The following PAG1 variants were observed in gnomAD, a reference collection of about 807,000 sequenced individuals.
PAG1 encodes the protein phosphoprotein associated with glycosphingolipid-enriched microdomains 1.
In PAG1, 23 loss-of-function variants were observed where a neutral mutation model predicts 31.7. The observed-to-expected ratio is 0.73, with a 90% CI of 0.52 to 1.03. The LOEUF is 1.03. Among genes scored for constraint, PAG1 ranks in the 50% least tolerant of loss-of-function variants. The pLI is 0.00. For synonymous variants in PAG1, 214 were observed against 210.3 expected, an observed-to-expected ratio of 1.02 and a Z score of -0.15; for missense variants, 473 against 540.7, an observed-to-expected ratio of 0.87 and a Z score of 1.24.
intron 1 of PAG1, among the ~76,000 whole-genome samples, chr8:81,080,768 C>A (rs761591719): frequency 3.9e-5 from 6 of 152,084 alleles, no homozygotes; most frequent in Non-Finnish European, 7.4e-5. Flanking sequence ...ACTAAGTGAG[C>A]AAACAAAATA....
At chr8:81,045,066 C>T (rs575442862) in intron 2 of PAG1, among the ~76,000 whole-genome samples, 2 of 152,326 alleles carry the variant, frequency 1.3e-5, no homozygotes, top group African/African-American at 4.8e-5. Context: ...TTCAACATCT[C>T]CTAGCAAAGT....
intron 3 of PAG1, among the ~76,000 whole-genome samples, chr8:81,020,830 A>G (rs1258338209): frequency 6.6e-6 from 1 of 152,168 alleles, no homozygotes; most frequent in Non-Finnish European, 1.5e-5. Context: ...TAATGCCAAA[A>G]TTTCATCCTT....
intron 2 of PAG1, among the ~76,000 whole-genome samples, chr8:81,045,837 T>TA (rs1808632650): frequency 6.6e-6 from 1 of 152,092 alleles, no homozygotes; most frequent in African/African-American, 2.4e-5. Flanking sequence ...TCTGCATTAA[T>TA]AAAAAAGAAA....
At chr8:81,005,081 T>G (rs1445996551) in intron 3 of PAG1, among the ~76,000 whole-genome samples, 1 of 151,966 alleles carries the variant, frequency 6.6e-6, no homozygotes, top group Non-Finnish European at 1.5e-5. Flanking sequence ...ACACAGAACA[T>G]AAATGACTGG....
intron 3 of PAG1, among the ~76,000 whole-genome samples, chr8:81,023,994 G>A (rs1808231992): frequency 6.6e-6 from 1 of 152,102 alleles, no homozygotes; most frequent in South Asian, 2.1e-4. Context: ...AACAGTAAAT[G>A]ACTAATTATA....
At chr8:81,002,481 G>C (rs1456678419) in intron 3 of PAG1, among the ~76,000 whole-genome samples, 1 of 152,194 alleles carries the variant, frequency 6.6e-6, no homozygotes, top group East Asian at 1.9e-4. Flanking sequence ...GACTGGAGAA[G>C]TAGAATTTAA....
chr8:81,007,636 C>CAAAAAA (rs58612249), intron 3 of PAG1, among the ~76,000 whole-genome samples: 9 of 49,698 alleles, frequency 1.8e-4, no homozygotes, highest in African/African-American at 3.4e-4. Context: ...GACTCTGTCT[C>CAAAAAA]AAAAAAAAAA....
chr8:81,007,738 T>G (rs1807912159), intron 3 of PAG1, among the ~76,000 whole-genome samples: 1 of 151,454 alleles, frequency 6.6e-6, no homozygotes. Context: ...TCTCTGCCAC[T>G]GAGGCTTTGA....
rs890733050 is a variant in PAG1 at position 81,070,166 on chromosome 8, G to GT, written c.-230dup. 2 of 152,136 alleles carry GT rather than the reference G, an allele frequency of 1.3e-5. No homozygotes were observed. The highest frequency in any genetic ancestry group is 4.8e-5 in the African/African-American group (2 of 41,420). The allele number at this position is 152,136 out of a possible 1,614,324, so 9.4% of individuals were successfully genotyped here. A position where few individuals can be genotyped will look rare whatever the true frequency, so the allele number is the denominator to read the frequency against. ...TGCTGAAATAGGAGAAAAATCTCGT[G>GT]TTTTCTGGAAAAGAAACACAAGAGA... On this transcript the variant is annotated 5_prime_UTR_variant, in exon 2 of 9. Transcript: ENST00000220597.
chr8:81,014,733 A>C (rs576113673), intron 3 of PAG1, among the ~76,000 whole-genome samples: 1 of 152,296 alleles, frequency 6.6e-6, no homozygotes, highest in East Asian at 1.9e-4. Context: ...TCAGAGAGGA[A>C]GAAAGTGAGA....
intron 1 of PAG1, among the ~76,000 whole-genome samples, chr8:81,073,850 T>C (rs931524605): frequency 5.9e-5 from 9 of 151,714 alleles, no homozygotes; most frequent in African/African-American, 2.2e-4. Context: ...CTGCTTTGAG[T>C]TGGGGAGTCA....
At chr8:81,028,018 G>A (rs1482937124) in intron 3 of PAG1, among the ~76,000 whole-genome samples, 4 of 152,200 alleles carry the variant, frequency 2.6e-5, no homozygotes, top group Non-Finnish European at 2.9e-5. Flanking sequence ...GCTGCTGGGT[G>A]TGGGGCAGGC....
chr8:80,978,754 TGA>T (rs1807236277), intron 8 of PAG1, among the ~76,000 whole-genome samples: 1 of 152,238 alleles, frequency 6.6e-6, no homozygotes. Context: ...AAAAGCTTCT[TGA>T]GTCTTCTCAT....
chr8:80,989,435 T>C (rs998192248), intron 5 of PAG1, among the ~76,000 whole-genome samples: 1 of 152,188 alleles, frequency 6.6e-6, no homozygotes, highest in African/African-American at 2.4e-5. Context: ...CCGCAAGTTG[T>C]ATAAGATCTA....
chr8:81,011,430 A>G (rs1807982878), intron 3 of PAG1, among the ~76,000 whole-genome samples: 1 of 152,126 alleles, frequency 6.6e-6, no homozygotes, highest in East Asian at 1.9e-4. Context: ...CATGTAAGAC[A>G]TACCTTTCAC....
intron 3 of PAG1, among the ~76,000 whole-genome samples, chr8:81,011,815 G>T (rs1807989584): frequency 6.6e-6 from 1 of 152,202 alleles, no homozygotes; most frequent in South Asian, 2.1e-4. Flanking sequence ...GCGTTTTGCA[G>T]CCTGTGCTTT....
chr8:81,051,628 C>A (rs933010451), intron 2 of PAG1, among the ~76,000 whole-genome samples: 1 of 152,102 alleles, frequency 6.6e-6, no homozygotes, highest in Non-Finnish European at 1.5e-5. Flanking sequence ...CAGGTCATAA[C>A]AATTTTTGTA....
chr8:81,031,957 T>C (rs1808383652), intron 2 of PAG1, among the ~76,000 whole-genome samples: 1 of 152,186 alleles, frequency 6.6e-6, no homozygotes, highest in South Asian at 2.1e-4. Flanking sequence ...CCAAGACTAT[T>C]CAACGGGGAA....
intron 8 of PAG1, 142 bp downstream of exon 8, chr8:80,980,293 C>T (rs983368525): frequency 3.4e-6 from 2 of 594,478 alleles, no homozygotes; most frequent in Admixed American, 3.1e-5. Context: ...ATAAAACCAG[C>T]ATCCCAAGTC....
Sources: allele counts gnomAD v4.1 joint callset (sites outside exome capture counted in the v4.1 genomes callset), GRCh38; gene constraint gnomAD v4.1.1; transcripts MANE v1.5; gene names NCBI Gene and HGNC (gene_info 2026-07-23, HGNC 2026-07-21).